SLCO5A1: variants seen among roughly 807,000 people sequenced by gnomAD.
The protein encoded by SLCO5A1 is solute carrier organic anion transporter family member 5A1, also known as organic anion transporter polypeptide-related protein 4.
SLCO5A1 carries 39 observed loss-of-function variants against 65.1 expected under a neutral mutation model. That is an observed-to-expected ratio of 0.60 (90% confidence interval 0.46 to 0.78). The LOEUF (loss-of-function observed/expected upper bound fraction) is 0.78. Ranked by LOEUF, SLCO5A1 falls within the 30% of genes least tolerant of loss-of-function variation. The pLI is 0.00. For synonymous variants in SLCO5A1, 438 were observed against 415.7 expected, an observed-to-expected ratio of 1.05 and a Z score of -0.65; for missense variants, 1,029 against 1,069.4, an observed-to-expected ratio of 0.96 and a Z score of 0.53.
At chr8:69,677,018 A>G (rs1813573265) in intron 8 of SLCO5A1, among the ~76,000 whole-genome samples, 1 of 151,298 alleles carries the variant, frequency 6.6e-6, no homozygotes, top group African/African-American at 2.5e-5. Context: ...CATCTTAAAT[A>G]CTGCACGGTT....
chr8:69,770,670 C>A lies in SLCO5A1; in HGVS notation c.908-8795G>T, dbSNP rs551592646. Reference sequence around the variant, plus strand: ...AAGCCAGCTCTCCATCTCACCCTGGCCTTGGACATCACAGCTGCCTCAGCC... The same window carrying A: ...AAGCCAGCTCTCCATCTCACCCTGGACTTGGACATCACAGCTGCCTCAGCC... On this transcript the variant is annotated intron_variant, in intron 2 of 9. Transcript: ENST00000260126. 1.2e-3 allele frequency among the ~76,000 whole-genome samples: 186 copies of A among 152,234 alleles called. 1 individual carries two copies. Among genetic ancestry groups the A allele is most frequent in the African/African-American group, 3.9e-3 (164 of 41,556 alleles).
intron 5 of SLCO5A1, among the ~76,000 whole-genome samples, chr8:69,737,178 C>T (rs929026150): frequency 6.6e-6 from 1 of 152,184 alleles, no homozygotes; most frequent in Non-Finnish European, 1.5e-5. Flanking sequence ...AAATCAATTT[C>T]TCTTTCTACA....
chr8:69,774,519 C>A (rs1419796421), intron 2 of SLCO5A1, among the ~76,000 whole-genome samples: 3 of 152,176 alleles, frequency 2.0e-5, no homozygotes, highest in Admixed American at 2.0e-4. Context: ...CACCCCACCC[C>A]CAGCTCACTG....
chr8:69,693,945 C>T (rs773428785), intron 6 of SLCO5A1, among the ~76,000 whole-genome samples: 4 of 152,226 alleles, frequency 2.6e-5, no homozygotes, highest in Non-Finnish European at 5.9e-5. Flanking sequence ...CATACTCAGA[C>T]AGCCAGTATG....
At chr8:69,830,716 G>A (rs1298846709) in intron 2 of SLCO5A1, among the ~76,000 whole-genome samples, 1 of 152,088 alleles carries the variant, frequency 6.6e-6, no homozygotes, top group African/African-American at 2.4e-5. Flanking sequence ...CTCTGCAACT[G>A]CTGCCTGGCC....
rs756049926 is a variant in SLCO5A1, at chr8:69,755,486, G to T, written c.1196C>A (p.Ser399Ter). 1 of 1,613,988 alleles carries T rather than the reference G, an allele frequency of 6.2e-7. No homozygotes were observed. Among genetic ancestry groups the T allele is most frequent in the Admixed American group, 1.7e-5 (1 of 60,006 alleles). The change falls in exon 4 of 10, where the codon TCA (serine) becomes TAA (stop). Residue 399 changes from serine (S) to a stop codon, truncating the protein, a stop_gained. Coordinates refer to ENST00000260126, the MANE Select transcript of SLCO5A1 (RefSeq NM_030958.3). LOFTEE classifies it high-confidence loss of function. ...TTTGTCCGCTTGTTCACTGTTGTTT[G>T]ATTTCTCCTTCAGAACATCGTCATC... ...VSDDDVLKEK[S>*]NNSEQADKKV...
At chr8:69,706,579 T>A (rs893981805) in intron 5 of SLCO5A1, among the ~76,000 whole-genome samples, 1 of 152,188 alleles carries the variant, frequency 6.6e-6, no homozygotes, top group Non-Finnish European at 1.5e-5. Context: ...CACCTTTCCA[T>A]GTGAAGTTAC....
Position 69,682,601 on chromosome 8 carries a change from C to A in SLCO5A1, c.1623-258G>T, listed in dbSNP as rs539983872. Among the ~76,000 whole-genome samples, 7 of 152,290 alleles carry A rather than the reference C, an allele frequency of 4.6e-5. No homozygotes were observed. In the South Asian group the frequency reaches 1.4e-3, roughly 32 times the overall value. On this transcript the variant is annotated intron_variant, in intron 6 of 9. Transcript: ENST00000260126. ...CTGCCCCACATCAATTTCACCCTCC[C>A]TCTTGGTGCTATGAACCTGGTCTCA...
At chr8:69,782,026 G>C (rs1280188234) in intron 2 of SLCO5A1, among the ~76,000 whole-genome samples, 1 of 152,068 alleles carries the variant, frequency 6.6e-6, no homozygotes, top group Non-Finnish European at 1.5e-5. Flanking sequence ...AAATTCATCT[G>C]AATTAAGAAT....
At chr8:69,773,998 G>A (rs1818454103) in intron 2 of SLCO5A1, among the ~76,000 whole-genome samples, 1 of 152,198 alleles carries the variant, frequency 6.6e-6, no homozygotes, top group African/African-American at 2.4e-5. Flanking sequence ...TCACTGCACT[G>A]CATACATTTA....
chr8:69,678,390 C>T (rs992223749), intron 8 of SLCO5A1, among the ~76,000 whole-genome samples: 1 of 152,094 alleles, frequency 6.6e-6, no homozygotes, highest in Non-Finnish European at 1.5e-5. Context: ...CACCTGGACC[C>T]ATTTAGATTA....
intron 9 of SLCO5A1, among the ~76,000 whole-genome samples, chr8:69,676,172 T>G (rs560239000): frequency 6.6e-6 from 1 of 152,348 alleles, no homozygotes; most frequent in South Asian, 2.1e-4. Flanking sequence ...GAAAACTTGA[T>G]AGGTATACTC....
chr8:69,811,233 C>A (rs534513740), intron 2 of SLCO5A1, among the ~76,000 whole-genome samples: 1 of 152,080 alleles, frequency 6.6e-6, no homozygotes, highest in Non-Finnish European at 1.5e-5. Flanking sequence ...AAAGATAGCC[C>A]GTGAGCTTAC....
intron 2 of SLCO5A1, among the ~76,000 whole-genome samples, chr8:69,800,709 G>A (rs1041907303): frequency 4.6e-5 from 7 of 152,200 alleles, no homozygotes; most frequent in Admixed American, 2.6e-4. Context: ...TTTATTCCTC[G>A]GTCACAATTC....
At chr8:69,675,158 A>C (rs1351602678) in intron 9 of SLCO5A1, among the ~76,000 whole-genome samples, 1 of 151,792 alleles carries the variant, frequency 6.6e-6, no homozygotes, top group Non-Finnish European at 1.5e-5. Flanking sequence ...TTAACTTTTA[A>C]CAAGATCTAT....
intron 4 of SLCO5A1, among the ~76,000 whole-genome samples, chr8:69,748,365 T>C (rs1563698300): frequency 6.6e-6 from 1 of 152,162 alleles, no homozygotes. Flanking sequence ...TTTTGCTGAG[T>C]ATAGAGAAAG....
chr8:69,777,632 T>C (rs72660165), intron 2 of SLCO5A1, among the ~76,000 whole-genome samples: 46,846 of 152,096 alleles, frequency 0.31, 8,741 homozygotes, highest in Middle Eastern at 0.43. Context: ...AAATCAACAA[T>C]TCTTAAGTTT....
chr8:69,767,784 G>A (rs1005119899), intron 2 of SLCO5A1, among the ~76,000 whole-genome samples: 1 of 151,122 alleles, frequency 6.6e-6, no homozygotes, highest in African/African-American at 2.4e-5. Context: ...CAGCTACTCA[G>A]GAGGCTGAGG....
intron 4 of SLCO5A1, among the ~76,000 whole-genome samples, chr8:69,744,564 G>A (rs981403479): frequency 1.3e-5 from 2 of 152,146 alleles, no homozygotes; most frequent in African/African-American, 4.8e-5. Flanking sequence ...AGCTGCATGT[G>A]TTTACCTGTC....
Sources: gnomAD v4.1 joint callset for allele counts (sites outside exome capture counted in the v4.1 genomes callset) on GRCh38, gnomAD v4.1.1 for gene constraint, MANE v1.5 for transcripts, NCBI Gene and HGNC (gene_info 2026-07-23, HGNC 2026-07-21) for gene names.